The following SS18 variants were observed in gnomAD, a reference collection of about 807,000 sequenced individuals.
The protein encoded by SS18 is SS18 subunit of BAF chromatin remodeling complex.
In SS18, 28 loss-of-function variants were observed where a neutral mutation model predicts 72.5. That is an observed-to-expected ratio of 0.39 (90% CI 0.29 to 0.53). SS18 has a LOEUF of 0.53. Ranked by LOEUF, SS18 falls within the 20% of genes least tolerant of loss-of-function variation. The pLI, the probability that SS18 is intolerant of heterozygous loss-of-function variation, is 0.76. For missense variants in SS18, 518 were observed against 535.3 expected (o/e 0.97, Z 0.32); for synonymous variants, 172 against 164.2 (o/e 1.05, Z -0.37).
intron 2 of SS18, among the ~76,000 whole-genome samples, chr18:26,079,386 A>G (rs1003236192): frequency 1.3e-5 from 2 of 152,318 alleles, no homozygotes; most frequent in Admixed American, 1.3e-4. Context: ...TACAAGCCCC[A>G]TGAGTACAAA....
At chr18:26,020,550 C>A (rs1199588937) in intron 10 of SS18, among the ~76,000 whole-genome samples, 3 of 152,040 alleles carry the variant, frequency 2.0e-5, no homozygotes, top group Non-Finnish European at 4.4e-5. Context: ...TTGAAAGAGA[C>A]CAGGTCAATA....
chr18:26,087,747 C>T lies in SS18; in HGVS notation c.70-170G>A, dbSNP rs554147442. 4.9e-4 allele frequency among the ~76,000 whole-genome samples: 75 copies of T among 152,264 alleles called. 1 individual carries two copies. Among genetic ancestry groups the T allele is most frequent in the African/African-American group, 1.8e-3 (74 of 41,564 alleles). On this transcript the variant is annotated intron_variant, in intron 1 of 10. Transcript: ENST00000415083. ...GCAAACAATCATTACTATCATAAAT[C>T]ATTAAGCAAACATGGAAACACAAAA...
At position 26,035,655 on chromosome 18, in the gene SS18, T is replaced by A; in HGVS notation, c.973+176A>T. On this transcript the variant is annotated intron_variant, in intron 8 of 10. Coordinates refer to ENST00000415083, the MANE Select transcript of SS18 (RefSeq NM_001007559.3). This position sits in a 1 kb window ranked among gnomAD's most constrained non-coding sequence, Gnocchi z 4.4. ...AGAAATGGCAAGTCATGGTTATACATTTTAAATATTTGTAAGGAAATTATT... is the reference window on the plus strand; with the variant it reads ...AGAAATGGCAAGTCATGGTTATACAATTTAAATATTTGTAAGGAAATTATT... The A allele has an allele frequency of 2.4e-6, 1 of 421,326 alleles. No individual in the cohort carries two copies. Among genetic ancestry groups the A allele is most frequent in the South Asian group, 8.6e-5 (1 of 11,586 alleles). The allele number at this position is 421,326 out of a possible 1,614,324, so 26.1% of individuals were successfully genotyped here.
At chr18:26,052,387 C>A (rs1314211328) in intron 5 of SS18, among the ~76,000 whole-genome samples, 1 of 152,134 alleles carries the variant, frequency 6.6e-6, no homozygotes, top group East Asian at 1.9e-4. Context: ...CAATTCTCAA[C>A]AATACAGAAC....
At chr18:26,065,408 G>A (rs1046221971) in intron 3 of SS18, among the ~76,000 whole-genome samples, 4 of 151,986 alleles carry the variant, frequency 2.6e-5, no homozygotes, top group Admixed American at 6.6e-5. Flanking sequence ...CTGTCACAAC[G>A]AAACAACTTA....
chr18:26,020,052 A>G (rs1178794884), intron 10 of SS18, among the ~76,000 whole-genome samples: 1 of 152,188 alleles, frequency 6.6e-6, no homozygotes, highest in Non-Finnish European at 1.5e-5. Context: ...TCTTTTCTAT[A>G]TGTGTTTAAA....
chr18:26,071,299 A>T (rs1161121670), intron 3 of SS18, among the ~76,000 whole-genome samples: 1 of 152,232 alleles, frequency 6.6e-6, no homozygotes, highest in Non-Finnish European at 1.5e-5. Flanking sequence ...ACAGTGTGAG[A>T]AAAAATAAAT....
At position 26,021,128 on chromosome 18, in the gene SS18, T is replaced by C. The variant is rs536468676; in HGVS notation, c.1231-2748A>G. Among the ~76,000 whole-genome samples, 8 of 152,190 alleles carry C rather than the reference T, an allele frequency of 5.3e-5. No homozygotes were observed. In the South Asian group the frequency reaches 1.5e-3, roughly 28 times the overall value. On this transcript the variant is annotated intron_variant, in intron 10 of 10. Coordinates refer to ENST00000415083, the MANE Select transcript of SS18 (RefSeq NM_001007559.3). ...AAAACCACAATCATGCCTAAAAAGG[T>C]AGGCTGTGTATCTGCAACCATTAAC...
intron 3 of SS18, among the ~76,000 whole-genome samples, chr18:26,067,583 ACAC>A (rs1305862690): frequency 3.9e-5 from 6 of 152,208 alleles, no homozygotes; most frequent in African/African-American, 1.4e-4. Context: ...TTTAGATGGA[ACAC>A]CTGAAGTCAA....
intron 3 of SS18, among the ~76,000 whole-genome samples, chr18:26,075,091 T>C (rs576561381): frequency 1.3e-5 from 2 of 152,022 alleles, no homozygotes; most frequent in South Asian, 4.1e-4. Context: ...AAATAAAAAC[T>C]TCCTTGCAAA....
chr18:26,061,148 C>A (rs1371071979), intron 3 of SS18, among the ~76,000 whole-genome samples: 4 of 152,046 alleles, frequency 2.6e-5, no homozygotes, highest in African/African-American at 7.2e-5. Flanking sequence ...CCTGTCTCTA[C>A]TAAAAATACA....
chr18:26,055,337 T>G (rs1429142088), intron 4 of SS18, among the ~76,000 whole-genome samples: 5 of 151,628 alleles, frequency 3.3e-5, no homozygotes. Context: ...TGTGGTGGTG[T>G]GCGCCTGTAA....
chr18:26,025,770 A>G (rs1328117319), intron 10 of SS18, among the ~76,000 whole-genome samples: 1 of 152,112 alleles, frequency 6.6e-6, no homozygotes, highest in Non-Finnish European at 1.5e-5. Flanking sequence ...TAGAAAGAAT[A>G]ATGCCAATTT....
chr18:26,088,484 A>G (rs1231779330), intron 1 of SS18, among the ~76,000 whole-genome samples: 4 of 152,248 alleles, frequency 2.6e-5, no homozygotes, highest in Admixed American at 2.6e-4. Context: ...TTATGAGTTT[A>G]CTTCATAATT....
chr18:26,081,639 A>C (rs1159775964), intron 2 of SS18, among the ~76,000 whole-genome samples: 1 of 152,234 alleles, frequency 6.6e-6, no homozygotes, highest in African/African-American at 2.4e-5. Context: ...TCAGGTGACA[A>C]TATTGAAATG....
intron 5 of SS18, among the ~76,000 whole-genome samples, chr18:26,050,430 T>C (rs181654851): frequency 2.6e-5 from 4 of 152,192 alleles, no homozygotes; most frequent in African/African-American, 9.6e-5. Flanking sequence ...AAATGTTTTA[T>C]AATGAAATGA....
Position 26,090,490 on chromosome 18 carries a change from C to T in SS18, c.69+11G>A. On this transcript the variant is annotated intron_variant, in intron 1 of 10. Transcript: ENST00000415083. Reference sequence around the variant, plus strand: ...TAAGGGCCTGGCATCCGCAACCCCGCGCGGTTTCACCTTCTGAATCGCAGC... The same window carrying T: ...TAAGGGCCTGGCATCCGCAACCCCGTGCGGTTTCACCTTCTGAATCGCAGC... 6.4e-7 allele frequency: 1 copy of T among 1,563,190 alleles called. No homozygotes were observed.
chr18:26,031,221 G>A (rs2053537574), intron 10 of SS18, among the ~76,000 whole-genome samples: 1 of 152,036 alleles, frequency 6.6e-6, no homozygotes, highest in Non-Finnish European at 1.5e-5. Context: ...CTTTTGTTTT[G>A]TTTGAGGATA....
intron 5 of SS18, among the ~76,000 whole-genome samples, chr18:26,040,486 T>C (rs997313969): frequency 2.0e-5 from 3 of 152,138 alleles, no homozygotes; most frequent in Non-Finnish European, 4.4e-5. Flanking sequence ...ATGGAGAAAA[T>C]TTAAGTACAA....
Sources: allele counts gnomAD v4.1 joint callset (sites outside exome capture counted in the v4.1 genomes callset), GRCh38; gene constraint gnomAD v4.1.1; non-coding constraint Gnocchi (gnomAD v3.1); transcripts MANE v1.5; gene names NCBI Gene and HGNC (gene_info 2026-07-23, HGNC 2026-07-21).